DST: variants seen among roughly 807,000 people sequenced by gnomAD.
DST encodes the protein dystonin, also known as bullous pemphigoid antigen.
In DST, 253 loss-of-function variants were observed where a neutral mutation model predicts 875.2. The observed-to-expected ratio is 0.29, with a 90% CI of 0.26 to 0.32. The LOEUF is 0.32. DST is among the 10% of genes least tolerant of loss of function. The probability of loss-of-function intolerance (pLI) is 1.00; values close to 1 mark genes in which losing one functional copy is unlikely to be tolerated. For synonymous variants in DST, 3,124 were observed against 3,197.1 expected (o/e 0.98, Z 0.77); for missense variants, 8,287 against 9,111.6 (o/e 0.91, Z 3.68).
chr6:56,663,780 T>C (rs2099057029), intron 10 of DST, among the ~76,000 whole-genome samples: 1 of 152,164 alleles, frequency 6.6e-6, no homozygotes, highest in South Asian at 2.1e-4. Flanking sequence ...ACAAAATAAT[T>C]GCTATCCAAC....
intron 3 of DST, among the ~76,000 whole-genome samples, chr6:56,852,512 G>A (rs1308657277): frequency 6.6e-6 from 1 of 152,130 alleles, no homozygotes; most frequent in Non-Finnish European, 1.5e-5. Context: ...AATCTGTAGG[G>A]TCATGTCTTG....
intron 82 of DST, 129 bp from the exon 83 acceptor site, chr6:56,494,309 G>T: frequency 4.0e-6 from 3 of 743,938 alleles, no homozygotes; most frequent in Non-Finnish European, 6.1e-6. Context: ...GGGCAACCTT[G>T]ACGCATTTAT....
At chr6:56,932,678 T>G (rs976807512) in intron 2 of DST, among the ~76,000 whole-genome samples, 2 of 151,966 alleles carry the variant, frequency 1.3e-5, no homozygotes, top group African/African-American at 4.8e-5. Flanking sequence ...AAGTGCCTAT[T>G]CCATGCCAGA....
intron 5 of DST, among the ~76,000 whole-genome samples, chr6:56,705,794 G>A (rs920239032): frequency 2.0e-5 from 3 of 152,186 alleles, no homozygotes; most frequent in African/African-American, 7.2e-5. Flanking sequence ...AACTGTTCAT[G>A]TCAATAGTAC....
At chr6:56,625,577 C>T (rs1440827761) in intron 34 of DST, among the ~76,000 whole-genome samples, 1 of 151,936 alleles carries the variant, frequency 6.6e-6, no homozygotes, top group African/African-American at 2.4e-5. Context: ...TGTGGTGATG[C>T]TGGTGTAAAC....
At chr6:56,869,554 C>A (rs1275366933) in intron 3 of DST, among the ~76,000 whole-genome samples, 3 of 151,250 alleles carry the variant, frequency 2.0e-5, no homozygotes, top group African/African-American at 4.9e-5. Context: ...ATTGCAAGGA[C>A]ACTTGCCCAT....
chr6:56,634,821 A>G lies in DST; in HGVS notation c.3319T>C (p.Cys1107Arg), dbSNP rs1563344374. 1.1e-5 allele frequency: 17 copies of G among 1,613,998 alleles called. No homozygotes were observed. The highest frequency in any genetic ancestry group is 1.4e-5 in the Non-Finnish European group (17 of 1,180,010). ...AGTACCTCAATTTGTCTGTAGTCAC[A>G]GATAGCTTTGATCGGAATAGAAGTT... ...LKTSIPIKAICDYRQIEITIY... is the reference protein window; with the variant it reads ...LKTSIPIKAIRDYRQIEITIY... Residue 1107 changes from cysteine (C) to arginine (R), a missense_variant, in exon 25 of 104, where the codon TGT (cysteine) becomes CGT (arginine). Physicochemically the swap from Cys to Arg is radical, Grantham distance 180. Coordinates refer to ENST00000680361, the MANE Select transcript of DST (RefSeq NM_001374736.1).
chr6:56,493,481 T>TTTTC (rs2095815906), intron 83 of DST, among the ~76,000 whole-genome samples: 1 of 152,132 alleles, frequency 6.6e-6, no homozygotes, highest in African/African-American at 2.4e-5. Flanking sequence ...AATCTTGTAT[T>TTTTC]TCTTGCCTAT....
intron 92 of DST, chr6:56,474,358 C>T (rs559030854): frequency 5.7e-6 from 1 of 174,974 alleles, no homozygotes; most frequent in East Asian, 1.7e-4. Context: ...GTGGTGCACG[C>T]CTGTAGTCCC....
intron 37 of DST, among the ~76,000 whole-genome samples, chr6:56,611,841 T>C (rs1206843953): frequency 1.3e-5 from 2 of 152,146 alleles, no homozygotes; most frequent in African/African-American, 2.4e-5. Context: ...AATAATACAT[T>C]ATACGTTTCC....
intron 7 of DST, 46 bp downstream of exon 7, chr6:56,703,602 C>G (rs1055214750): frequency 5.2e-6 from 4 of 776,174 alleles, no homozygotes; most frequent in Non-Finnish European, 6.3e-6. Flanking sequence ...TAGCGCTCAC[C>G]GCATGGGAAC....
At chr6:56,872,209 T>A (rs1777532686) in intron 3 of DST, among the ~76,000 whole-genome samples, 1 of 152,124 alleles carries the variant, frequency 6.6e-6, no homozygotes, top group East Asian at 1.9e-4. Flanking sequence ...TGTGGTATAG[T>A]CATACAAAAG....
intron 4 of DST, among the ~76,000 whole-genome samples, chr6:56,736,498 T>C (rs1405934865): frequency 6.6e-6 from 1 of 152,216 alleles, no homozygotes; most frequent in Non-Finnish European, 1.5e-5. Flanking sequence ...TTCTCTCCTT[T>C]CTGCCTCCAG....
At chr6:56,770,389 G>A (rs2099649930) in intron 4 of DST, among the ~76,000 whole-genome samples, 1 of 152,110 alleles carries the variant, frequency 6.6e-6, no homozygotes, top group African/African-American at 2.4e-5. Context: ...AAAAGGCAGT[G>A]ACTCAATAAA....
intron 4 of DST, among the ~76,000 whole-genome samples, chr6:56,752,367 T>G (rs2152953298): frequency 6.6e-6 from 1 of 152,262 alleles, no homozygotes; most frequent in Admixed American, 6.5e-5. Flanking sequence ...ATAAGTAAAT[T>G]TTAAGTGTTC....
chr6:56,497,874 C>G lies in DST; in HGVS notation c.20076G>C (p.Leu6692=). 1 of 1,611,124 alleles carries G rather than the reference C, an allele frequency of 6.2e-7. No homozygotes were observed. The highest frequency in any genetic ancestry group is 8.5e-7 in the Non-Finnish European group (1 of 1,178,296). The change falls in exon 81 of 104, where the codon CTG becomes CTC. Residue 6692 remains leucine, a synonymous_variant. Transcript: ENST00000680361. ...TACTCACCTGGCGCAAGGCACCATC[C>G]AGCTGCTGCTTCCTTTGTTCTGTTT... ...LEKTEQRKQQ[L]DGALRQAKGF...
At chr6:56,615,254 T>TAAA (rs3841165) in intron 36 of DST, 25,927 of 1,071,048 alleles carry the variant, frequency 0.024, 1 homozygote, top group Middle Eastern at 0.028. Flanking sequence ...ACATTCTACG[T>TAAA]AAAAAAAAAA....
chr6:56,640,345 G>A lies in DST; in HGVS notation c.2288C>T (p.Thr763Ile), dbSNP rs752896558. ...GMTSRLTPSVTPAYTPGFPSG... is the reference protein window; with the variant it reads ...GMTSRLTPSVIPAYTPGFPSG... ...TGGGAAACCAGGTGTATAAGCTGGA[G>A]TGACAGATGGAGTCAGGCGGGAAGT... The change falls in exon 18 of 104, where the codon ACT (threonine) becomes ATT (isoleucine). Residue 763 changes from threonine to isoleucine, a missense_variant. Around this residue, in one of 10 missense-constraint regions of DST, gnomAD observed 1,160 missense variants for 1,424.3 expected, o/e 0.81. Transcript: ENST00000680361. 3.1e-6 allele frequency: 5 copies of A among 1,614,190 alleles called. No individual in the cohort carries two copies. The highest frequency in any genetic ancestry group is 4.2e-6 in the Non-Finnish European group (5 of 1,180,026).
At chr6:56,677,316 A>G (rs1380535806) in intron 9 of DST, among the ~76,000 whole-genome samples, 1 of 151,944 alleles carries the variant, frequency 6.6e-6, no homozygotes, top group Non-Finnish European at 1.5e-5. Flanking sequence ...CCATCCATCC[A>G]TCTATCTATC....
Sources: gnomAD v4.1 joint callset for allele counts (sites outside exome capture counted in the v4.1 genomes callset) on GRCh38, gnomAD v4.1.1 for gene constraint, gnomAD v4.1.1 regional missense constraint, MANE v1.5 for transcripts, NCBI Gene and HGNC (gene_info 2026-07-23, HGNC 2026-07-21) for gene names.